GLDN: variants seen among roughly 807,000 people sequenced by gnomAD.
The protein encoded by GLDN is gliomedin.
Under a neutral mutation model 56.5 loss-of-function variants are expected in GLDN, and 47 were observed. The observed-to-expected ratio is 0.83, with a 90% CI of 0.66 to 1.06. The LOEUF (loss-of-function observed/expected upper bound fraction) is 1.06, where lower values mean the gene tolerates loss of function less well. Ranked by LOEUF, GLDN falls within the 50% of genes least tolerant of loss-of-function variation. The pLI is 0.00. For synonymous variants in GLDN, 332 were observed against 278.8 expected (o/e 1.19, Z -1.90); for missense variants, 782 against 714.3 (o/e 1.09, Z -1.08).
chr15:51,357,576 G>A (rs767133615), intron 1 of GLDN, among the ~76,000 whole-genome samples: 3 of 152,126 alleles, frequency 2.0e-5, no homozygotes, highest in African/African-American at 4.8e-5. Context: ...AGCCCTCTGC[G>A]CTGGGAGCAT....
intron 2 of GLDN, among the ~76,000 whole-genome samples, chr15:51,379,703 G>A (rs2037713729): frequency 1.3e-5 from 2 of 152,174 alleles, no homozygotes. Context: ...ATATCTAAGT[G>A]GCTCAGCTCT....
chr15:51,393,819 G>C (rs2038070570), intron 4 of GLDN, among the ~76,000 whole-genome samples: 1 of 152,202 alleles, frequency 6.6e-6, no homozygotes, highest in Non-Finnish European at 1.5e-5. Flanking sequence ...CTTAGACCTT[G>C]ACTGGTTTCT....
intron 1 of GLDN, among the ~76,000 whole-genome samples, chr15:51,365,751 G>A (rs1374424962): frequency 6.6e-6 from 1 of 152,114 alleles, no homozygotes; most frequent in African/African-American, 2.4e-5. Flanking sequence ...TCATTTTCAT[G>A]CAGTCAAATC....
At chr15:51,359,344 C>T (rs918594035) in intron 1 of GLDN, among the ~76,000 whole-genome samples, 3 of 152,198 alleles carry the variant, frequency 2.0e-5, no homozygotes, top group Non-Finnish European at 4.4e-5. Flanking sequence ...GTCGTTAGGT[C>T]AAACATTAAC....
At position 51,394,892 on chromosome 15, in the gene GLDN, A is replaced by C; in HGVS notation, c.599A>C (p.Glu200Ala). The C allele has an allele frequency of 6.2e-7, 1 of 1,613,696 alleles. No individual in the cohort carries two copies. The change falls in exon 5 of 10, where the codon GAA becomes GCA. Residue 200 changes from glutamate (E) to alanine (A), a missense_variant. Glu to Ala is a moderately radical substitution (Grantham distance 107, BLOSUM62 -1). Transcript: ENST00000335449. Reference protein sequence around the residue: ...GERGEKGDHGELGLQGNEGPP... With the variant: ...GERGEKGDHGALGLQGNEGPP... ...AGGGGAGAAAAGGGAGACCATGGTG[A>C]ACTGGGCCTGCAGGGAAATGAGGGC...
chr15:51,404,221 C>T (rs1278168680), intron 9 of GLDN, 56 bp from the exon 10 acceptor site: 8 of 1,366,562 alleles, frequency 5.9e-6, no homozygotes, highest in Non-Finnish European at 7.0e-6. Context: ...CCTAATAAAC[C>T]ACCTGTCCAC....
Position 51,397,529 on chromosome 15 carries a change from C to G in GLDN, c.748C>G (p.Pro250Ala). ...TGGGCCCCCAGGCCCTCCAGGTCCT[C>G]CAGGGCCCCCTGGAAGCAGAAGAGC... Reference protein sequence around the residue: ...PPGPPGPPGPPGPPGSRRAKG... With the variant: ...PPGPPGPPGPAGPPGSRRAKG... The change falls in exon 6 of 10, where the codon CCA (proline) becomes GCA (alanine). Residue 250 changes from proline to alanine, a missense_variant. By Grantham distance (27) the Pro-to-Ala change is conservative. Transcript: ENST00000335449. 6.2e-7 allele frequency: 1 copy of G among 1,602,386 alleles called. No individual in the cohort carries two copies. The highest frequency in any genetic ancestry group is 8.5e-7 in the Non-Finnish European group (1 of 1,173,606).
intron 1 of GLDN, among the ~76,000 whole-genome samples, chr15:51,342,332 G>A (rs916521549): frequency 1.3e-5 from 2 of 152,210 alleles, no homozygotes; most frequent in African/African-American, 4.8e-5. Context: ...GTTTCTAAGA[G>A]CCTATTTTCC....
chr15:51,359,498 G>A (rs1459341273), intron 1 of GLDN, among the ~76,000 whole-genome samples: 1 of 152,154 alleles, frequency 6.6e-6, no homozygotes, highest in Non-Finnish European at 1.5e-5. Context: ...TCCCAGTGTG[G>A]ATCCCCATTG....
intron 4 of GLDN, among the ~76,000 whole-genome samples, chr15:51,391,857 C>T (rs1001698263): frequency 5.3e-5 from 8 of 152,266 alleles, no homozygotes; most frequent in African/African-American, 1.9e-4. Flanking sequence ...ACTGGACGGG[C>T]AGCCGCCACC....
intron 1 of GLDN, among the ~76,000 whole-genome samples, chr15:51,359,830 T>A (rs1203308798): frequency 6.6e-6 from 1 of 151,468 alleles, no homozygotes; most frequent in Non-Finnish European, 1.5e-5. Context: ...CAAAAAAAAA[T>A]TAGCCAGGCA....
chr15:51,409,172 G>A (rs1437099344), downstream of GLDN, among the ~76,000 whole-genome samples: 1 of 150,976 alleles, frequency 6.6e-6, no homozygotes, highest in Non-Finnish European at 1.5e-5. Flanking sequence ...GGTAGATCAG[G>A]TAACGCTGTC....
chr15:51,352,939 A>C (rs1430314591), intron 1 of GLDN, among the ~76,000 whole-genome samples: 1 of 78,234 alleles, frequency 1.3e-5, no homozygotes, highest in South Asian at 4.3e-4. Flanking sequence ...TTTGTAAAAC[A>C]AAAAAATTAG....
intron 1 of GLDN, among the ~76,000 whole-genome samples, chr15:51,349,108 A>G (rs1465900638): frequency 1.3e-5 from 2 of 152,230 alleles, no homozygotes; most frequent in African/African-American, 4.8e-5. Flanking sequence ...AGTTCCCAGC[A>G]GGCGATTACA....
chr15:51,412,745 A>T (rs1595847955), downstream of GLDN, among the ~76,000 whole-genome samples: 1 of 152,216 alleles, frequency 6.6e-6, no homozygotes, highest in East Asian at 1.9e-4. Context: ...TAGACCAGGG[A>T]TTAGTAAACT....
Position 51,377,283 on chromosome 15 carries a change from C to G in GLDN, c.364-166C>G. On this transcript the variant is annotated intron_variant, in intron 1 of 9. Coordinates refer to ENST00000335449, the MANE Select transcript of GLDN (RefSeq NM_181789.4). ...ACCATTGTGTATGATTCGTTGTTGA[C>G]TGCAGCATCACTAGGTGGGACATCA... 3 of 592,222 alleles carry G rather than the reference C, an allele frequency of 5.1e-6. No individual in the cohort carries two copies. In the East Asian group the frequency reaches 8.5e-5, roughly 17 times the overall value. The allele number at this position is 592,222 out of a possible 1,614,324, so 36.7% of individuals were successfully genotyped here.
At chr15:51,359,613 T>C (rs951406933) in intron 1 of GLDN, among the ~76,000 whole-genome samples, 3 of 152,142 alleles carry the variant, frequency 2.0e-5, no homozygotes, top group Non-Finnish European at 2.9e-5. Flanking sequence ...TACTCAGTGA[T>C]GTCCGCCATA....
chr15:51,383,769 C>G lies in GLDN; in HGVS notation c.434-16C>G. 6 of 1,488,034 alleles carry G rather than the reference C, an allele frequency of 4.0e-6. No homozygotes were observed. The highest frequency in any genetic ancestry group is 2.3e-5 in the East Asian group (1 of 43,376). 92.2% of individuals were successfully genotyped at this position (1,488,034 alleles called of 1,614,324 possible). On this transcript the variant is annotated splice_polypyrimidine_tract_variant and intron_variant, in intron 3 of 9. Coordinates refer to ENST00000335449, the MANE Select transcript of GLDN (RefSeq NM_181789.4). ...TTTTTTTTGGTTAATGTCCCTGTTT[C>G]TGTGTTTTGATGCAGGACCTCCGGG...
intron 2 of GLDN, among the ~76,000 whole-genome samples, chr15:51,381,254 C>T (rs1211895752): frequency 6.6e-6 from 1 of 152,200 alleles, no homozygotes. Context: ...ACTTTTGAAA[C>T]CTACTGTGTA....
Sources: allele counts gnomAD v4.1 joint callset (sites outside exome capture counted in the v4.1 genomes callset), GRCh38; gene constraint gnomAD v4.1.1; transcripts MANE v1.5; gene names NCBI Gene and HGNC (gene_info 2026-07-23, HGNC 2026-07-21).